Variants in CEP250 observed in about 807,000 individuals in gnomAD.
The protein encoded by CEP250 is centrosomal protein 250.
In CEP250, 242 loss-of-function variants were observed where a neutral mutation model predicts 315.7. The observed-to-expected ratio is 0.77, with a 90% CI of 0.69 to 0.85. The LOEUF is 0.85. CEP250 is among the 40% of genes least tolerant of loss of function. CEP250 has a pLI of 0.00. For missense variants in CEP250, 2,515 were observed against 2,886.4 expected (o/e 0.87, Z 2.95); for synonymous variants, 1,088 against 1,175.0 (o/e 0.93, Z 1.51).
Position 35,472,726 on chromosome 20 carries a change from T to C in CEP250, c.1104T>C (p.Ser368=). The stretch of plus-strand genomic sequence containing the variant: ...CCCAAGGCTCTGGTCATGAGAACTC[T>C]TTGGAATTGGACTCTAGTATCTTCT... ...NIAQGSGHEN[S]LELDSSIFSQ... is the part of the protein sequence containing the mutation. The change falls in exon 12 of 35, where the codon TCT becomes TCC. Residue 368 remains serine, a synonymous_variant. Transcript: ENST00000397527. The C allele has an allele frequency of 1.9e-6, 3 of 1,614,118 alleles. No individual in the cohort carries two copies. Among genetic ancestry groups the C allele is most frequent in the Non-Finnish European group, 2.5e-6 (3 of 1,180,004 alleles).
rs377363665 is a variant in CEP250, at chr20:35,501,890, T to A, written c.3944T>A (p.Leu1315Gln). 5.6e-6 allele frequency: 9 copies of A among 1,613,548 alleles called. No homozygotes were observed. Among genetic ancestry groups the A allele is most frequent in the Non-Finnish European group, 7.6e-6 (9 of 1,179,970 alleles). The change falls in exon 29 of 35, where the codon CTG becomes CAG. Residue 1315 changes from leucine (L) to glutamine (Q), a missense_variant. Coordinates refer to ENST00000397527, the MANE Select transcript of CEP250 (RefSeq NM_007186.6). ...EGKQNSLESE[L>Q]MELHETMASL... is the part of the protein sequence containing the mutation. ...AAGCAGAACTCCCTAGAATCTGAGCTGATGGAACTACATGAAACTATGGCA... is the reference window on the plus strand; with the variant it reads ...AAGCAGAACTCCCTAGAATCTGAGCAGATGGAACTACATGAAACTATGGCA...
chr20:35,498,481 G>A, intron 26 of CEP250, 114 bp from the exon 27 acceptor site: 1 of 1,273,630 alleles, frequency 7.9e-7, no homozygotes, highest in Middle Eastern at 2.7e-4. Flanking sequence ...GCTGAGAAAG[G>A]GGTTCTTTGC....
chr20:35,464,347 C>T (rs977309578), intron 5 of CEP250, among the ~76,000 whole-genome samples: 2 of 152,104 alleles, frequency 1.3e-5, no homozygotes, highest in Non-Finnish European at 2.9e-5. Flanking sequence ...CTTACTCTGT[C>T]GCCCAGGCTG....
At position 35,512,697 on chromosome 20, in the gene CEP250, T is replaced by C. The variant is rs1476481100; in HGVS notation, c.*1071T>C. The C allele has an allele frequency of 6.6e-6, 1 of 152,068 alleles. No homozygotes were observed. Among genetic ancestry groups the C allele is most frequent in the East Asian group, 1.9e-4 (1 of 5,186 alleles). 9.4% of individuals were successfully genotyped at this position (152,068 alleles called of 1,614,324 possible). The stretch of plus-strand genomic sequence containing the variant: ...GGCAACCTCCTCAAAGCCTAAAAAT[T>C]GTTTAATTTTTTTAAGAGACAGGGT... On this transcript the variant is annotated 3_prime_UTR_variant, in exon 35 of 35. Transcript: ENST00000397527.
At chr20:35,467,213 C>A in intron 8 of CEP250, 91 bp from the exon 9 acceptor site, 1 of 1,499,636 alleles carries the variant, frequency 6.7e-7, no homozygotes, top group Non-Finnish European at 9.2e-7. Context: ...TGATTTTTCC[C>A]AGCCCTGCTC....
chr20:35,463,455 T>C, intron 4 of CEP250, 120 bp from the exon 5 acceptor site: 1 of 715,260 alleles, frequency 1.4e-6, no homozygotes, highest in South Asian at 2.5e-5. Flanking sequence ...GGCCTTACCT[T>C]ACTGTCACCA....
At chr20:35,470,034 T>A (rs760211597) in intron 10 of CEP250, 48 bp downstream of exon 10, 1 of 1,239,356 alleles carries the variant, frequency 8.1e-7, no homozygotes, top group Non-Finnish European at 1.2e-6. Flanking sequence ...GGCTTGTAGG[T>A]TCCTTGTGCT....
Position 35,502,622 on chromosome 20 carries a change from C to T in CEP250, c.4253C>T (p.Ala1418Val), listed in dbSNP as rs2064042777. ...QGELKVAQGK[A>V]LQENLALLTQ... ...GAACTGAAGGTGGCCCAAGGGAAGG[C>T]TCTGCAAGAGAATTTGGCCCTCCTG... Residue 1418 changes from alanine (A) to valine (V), a missense_variant, in exon 30 of 35, where the codon GCT (alanine) becomes GTT (valine). Coordinates refer to ENST00000397527, the MANE Select transcript of CEP250 (RefSeq NM_007186.6). The T allele has an allele frequency of 6.2e-7, 1 of 1,614,274 alleles. No individual in the cohort carries two copies.
At position 35,498,717 on chromosome 20, in the gene CEP250, G is replaced by T; in HGVS notation, c.3777+1G>T. 6.4e-7 allele frequency: 1 copy of T among 1,567,664 alleles called. No homozygotes were observed. The highest frequency in any genetic ancestry group is 1.2e-5 in the South Asian group (1 of 83,440). ...CCTGTGGAAGACTCAACAGACCCGG[G>T]TATGTTTCTCTGCTCCCCTTTCCCG... On this transcript the variant is annotated splice_donor_variant, in intron 27 of 34. Transcript: ENST00000397527. LOFTEE classifies it high-confidence loss of function.
intron 7 of CEP250, among the ~76,000 whole-genome samples, chr20:35,466,685 A>G (rs2062885636): frequency 1.3e-5 from 2 of 152,132 alleles, no homozygotes; most frequent in Non-Finnish European, 2.9e-5. Context: ...TCCTTAGAAA[A>G]GTCTGTGGTA....
In CEP250 at chr20:35,472,129, A is replaced by C. The variant is rs764793910; in HGVS notation, c.1028A>C (p.Gln343Pro). Residue 343 changes from glutamine to proline, a missense_variant, in exon 11 of 35, where the codon CAG (glutamine) becomes CCG (proline). Physicochemically the swap from Gln to Pro is moderately conservative, Grantham distance 76. Coordinates refer to ENST00000397527, the MANE Select transcript of CEP250 (RefSeq NM_007186.6). ...NAQEEKLSLQ[Q>P]VIKDITQVMV... ...CAAGAGGAGAAGTTGTCTTTACAGC[A>C]GGTGATCAAGGATATAACCCAGGTA... 3 of 1,610,550 alleles carry C rather than the reference A, an allele frequency of 1.9e-6. No homozygotes were observed. The East Asian group carries it at 6.7e-5, about 36-fold the overall frequency.
intron 20 of CEP250, among the ~76,000 whole-genome samples, chr20:35,489,850 T>TA (rs949137782): frequency 2.0e-5 from 3 of 152,184 alleles, no homozygotes; most frequent in African/African-American, 7.2e-5. Flanking sequence ...AGTTCATTGT[T>TA]ACAACTGTCA....
chr20:35,501,669 A>T (rs1024194032), intron 28 of CEP250, among the ~76,000 whole-genome samples, 176 bp from the exon 29 acceptor site: 1 of 152,182 alleles, frequency 6.6e-6, no homozygotes, highest in Non-Finnish European at 1.5e-5. Flanking sequence ...AGCAGCTGGC[A>T]TCTGCCAGCT....
intron 10 of CEP250, among the ~76,000 whole-genome samples, chr20:35,470,705 G>A (rs150567797): frequency 0.023 from 3,451 of 152,286 alleles, 143 homozygotes; most frequent in African/African-American, 0.078. Flanking sequence ...GTGAGCCGAG[G>A]TTATGCCATT....
At chr20:35,478,314 C>T (rs2063231742) in intron 17 of CEP250, among the ~76,000 whole-genome samples, 1 of 152,188 alleles carries the variant, frequency 6.6e-6, no homozygotes, top group Admixed American at 6.5e-5. Flanking sequence ...TGCCTGTAAT[C>T]CCAGCACTTT....
Position 35,519,166 on chromosome 20 carries a change from A to G in CEP250, c.*7540A>G, listed in dbSNP as rs369539979. 6.6e-6 allele frequency: 1 copy of G among 152,216 alleles called. No homozygotes were observed. Among genetic ancestry groups the G allele is most frequent in the Non-Finnish European group, 1.5e-5 (1 of 68,048 alleles). 9.4% of individuals were successfully genotyped at this position (152,216 alleles called of 1,614,324 possible). A position where few individuals can be genotyped will look rare whatever the true frequency, so the allele number is the denominator to read the frequency against. On this transcript the variant is annotated 3_prime_UTR_variant, in exon 35 of 35. Coordinates refer to ENST00000397527, the MANE Select transcript of CEP250 (RefSeq NM_007186.6). ...TGTAAACTGTTAGTTCAATGAGGTT[A>G]TGATTGCACAACAATGTGAACATAC...
Position 35,516,414 on chromosome 20 carries a change from C to G in CEP250, c.*4788C>G, listed in dbSNP as rs1005619109. 1 of 152,202 alleles carries G rather than the reference C, an allele frequency of 6.6e-6. No individual in the cohort carries two copies. Among genetic ancestry groups the G allele is most frequent in the Non-Finnish European group, 1.5e-5 (1 of 68,048 alleles). 9.4% of individuals were successfully genotyped at this position (152,202 alleles called of 1,614,324 possible). ...CAGCCCTGCAGGTCAGATTGCTGGC[C>G]AGGAGTAGTCTCACATTCTAGCTGA... On this transcript the variant is annotated 3_prime_UTR_variant, in exon 35 of 35. Transcript: ENST00000397527.
chr20:35,507,952 G>A, intron 31 of CEP250, 83 bp from the exon 32 acceptor site: 1 of 1,600,910 alleles, frequency 6.2e-7, no homozygotes, highest in Non-Finnish European at 8.5e-7. Context: ...GCTTAAACCT[G>A]CCAGATTGGT....
At chr20:35,458,964 A>ATTTT (rs1332089448) in intron 2 of CEP250, among the ~76,000 whole-genome samples, 2 of 91,360 alleles carry the variant, frequency 2.2e-5, no homozygotes, top group African/African-American at 9.4e-5. Context: ...TATAATGCAA[A>ATTTT]TCTTTTTTTT....
Sources: gnomAD v4.1 joint callset for allele counts (sites outside exome capture counted in the v4.1 genomes callset) on GRCh38, gnomAD v4.1.1 for gene constraint, MANE v1.5 for transcripts, NCBI Gene and HGNC (gene_info 2026-07-23, HGNC 2026-07-21) for gene names.